PRKCE: variants seen among roughly 807,000 people sequenced by gnomAD.
PRKCE encodes protein kinase C epsilon, also known as protein kinase C epsilon type.
PRKCE carries 16 observed loss-of-function variants against 85.4 expected under a neutral mutation model. That is an observed-to-expected ratio of 0.19 (90% CI 0.13 to 0.28). The LOEUF is 0.28. PRKCE is among the 10% of genes least tolerant of loss of function. The pLI is 1.00. For synonymous variants in PRKCE, 388 were observed against 371.5 expected (o/e 1.04, Z -0.51); for missense variants, 573 against 975.2 (o/e 0.59, Z 5.49).
At chr2:46,154,534 C>T (rs1677010551) in intron 13 of PRKCE, among the ~76,000 whole-genome samples, 1 of 149,366 alleles carries the variant, frequency 6.7e-6, no homozygotes, top group South Asian at 2.2e-4. Flanking sequence ...AGGACCCCTG[C>T]CTTGGAGCCT....
Position 46,184,898 on chromosome 2 carries a change from G to C in PRKCE, c.*17G>C, listed in dbSNP as rs376002289. ...ATGCCCTGAGAGCCCACTGCAGTTG[G>C]ACTTTGCCGATGCTGCAAGAAGGGG... is the stretch of plus-strand genomic sequence containing the variant. On this transcript the variant is annotated 3_prime_UTR_variant, in exon 15 of 15. Transcript: ENST00000306156. This position sits in a 1 kb window ranked among gnomAD's most constrained non-coding sequence, Gnocchi z 5.0. 5 of 1,599,402 alleles carry C rather than the reference G, an allele frequency of 3.1e-6. No homozygotes were observed. The African/African-American group carries it at 5.3e-5, about 17-fold the overall frequency.
At position 46,176,698 on chromosome 2, in the gene PRKCE, A is replaced by T. The variant is rs281472; in HGVS notation, c.2068-8037A>T. ...AGTGACCATGGCTGGTTGCTTCTCA[A>T]TGAATTTCACAACCACACCCCAAAG... On this transcript the variant is annotated intron_variant, in intron 14 of 14. Transcript: ENST00000306156. 2.0e-5 allele frequency among the ~76,000 whole-genome samples: 3 copies of T among 152,224 alleles called. No homozygotes were observed. The South Asian group carries it at 6.2e-4, about 32-fold the overall frequency.
intron 1 of PRKCE, among the ~76,000 whole-genome samples, chr2:45,725,960 G>C: frequency 6.6e-6 from 1 of 152,170 alleles, no homozygotes; most frequent in East Asian, 1.9e-4. Flanking sequence ...GACTTTGTGG[G>C]TTTCAGTACT....
At chr2:45,790,980 G>A (rs1686987021) in intron 1 of PRKCE, among the ~76,000 whole-genome samples, 1 of 152,068 alleles carries the variant, frequency 6.6e-6, no homozygotes, top group Non-Finnish European at 1.5e-5. Flanking sequence ...CAGAGGCCAG[G>A]CCAGCGTCTC....
intron 2 of PRKCE, among the ~76,000 whole-genome samples, chr2:45,931,864 ACT>A (rs1699072409): frequency 6.6e-6 from 1 of 151,854 alleles, no homozygotes; most frequent in Admixed American, 6.6e-5. Context: ...CTGCTGCCAC[ACT>A]CAGCTAATTT....
At chr2:45,861,673 A>T (rs781394463) in intron 2 of PRKCE, among the ~76,000 whole-genome samples, 5 of 152,130 alleles carry the variant, frequency 3.3e-5, no homozygotes, top group Non-Finnish European at 5.9e-5. Context: ...ACTGTTGGCG[A>T]GAATGAAACT....
chr2:45,844,065 CAGTCTCT>C (rs891136584), intron 2 of PRKCE, among the ~76,000 whole-genome samples: 3 of 152,228 alleles, frequency 2.0e-5, no homozygotes, highest in African/African-American at 4.8e-5. Flanking sequence ...ATCCCACACA[CAGTCTCT>C]AGTTTAAGGC....
At chr2:46,134,292 T>C (rs1674745700) in intron 11 of PRKCE, among the ~76,000 whole-genome samples, 1 of 152,158 alleles carries the variant, frequency 6.6e-6, no homozygotes, top group South Asian at 2.1e-4. Context: ...TTGTGGAGGA[T>C]AGACACTCAT....
chr2:46,100,522 G>C (rs1408102345), intron 11 of PRKCE, among the ~76,000 whole-genome samples: 1 of 152,166 alleles, frequency 6.6e-6, no homozygotes, highest in Non-Finnish European at 1.5e-5. Flanking sequence ...AGTCCTGTCA[G>C]GATTGAGAAT....
At chr2:45,880,501 A>G (rs1694801441) in intron 2 of PRKCE, among the ~76,000 whole-genome samples, 1 of 152,184 alleles carries the variant, frequency 6.6e-6, no homozygotes, top group East Asian at 1.9e-4. Flanking sequence ...ATCTTATCTT[A>G]GGTCTCCTTG....
At chr2:45,718,492 G>T (rs7598329) in intron 1 of PRKCE, among the ~76,000 whole-genome samples, 1 of 151,632 alleles carries the variant, frequency 6.6e-6, no homozygotes, top group Admixed American at 6.6e-5. Flanking sequence ...TGACAGGCAC[G>T]CACCACTACA....
chr2:45,662,213 T>G (rs1436945346), intron 1 of PRKCE, among the ~76,000 whole-genome samples: 1 of 152,230 alleles, frequency 6.6e-6, no homozygotes, highest in Non-Finnish European at 1.5e-5. Flanking sequence ...CGTCCTTTCA[T>G]TCACTGAGCA....
At chr2:46,148,211 G>A (rs1250453259) in intron 12 of PRKCE, among the ~76,000 whole-genome samples, 3 of 152,188 alleles carry the variant, frequency 2.0e-5, no homozygotes, top group African/African-American at 7.2e-5. Flanking sequence ...CAGGGCCAAT[G>A]CCTTCTCCCT....
intron 11 of PRKCE, among the ~76,000 whole-genome samples, chr2:46,112,370 A>T (rs1672341781): frequency 6.6e-6 from 1 of 151,684 alleles, no homozygotes; most frequent in South Asian, 2.1e-4. Context: ...TGTTTTGCTT[A>T]TTTGTTTTAT....
chr2:45,781,569 C>A (rs1052372837), intron 1 of PRKCE, among the ~76,000 whole-genome samples: 18 of 152,168 alleles, frequency 1.2e-4, no homozygotes, highest in Admixed American at 4.6e-4. Flanking sequence ...ACCTTTGAAA[C>A]AGGTGCAGGG....
At chr2:46,092,200 A>G (rs1432526890) in intron 11 of PRKCE, among the ~76,000 whole-genome samples, 1 of 152,242 alleles carries the variant, frequency 6.6e-6, no homozygotes, top group Non-Finnish European at 1.5e-5. Flanking sequence ...AGGATATGAA[A>G]GCCAGTGGGA....
At chr2:45,712,288 C>T (rs965193165) in intron 1 of PRKCE, among the ~76,000 whole-genome samples, 17 of 151,882 alleles carry the variant, frequency 1.1e-4, no homozygotes, top group Non-Finnish European at 1.5e-4. Flanking sequence ...GCTGCGATTA[C>T]AGGCATGCAC....
intron 1 of PRKCE, among the ~76,000 whole-genome samples, chr2:45,690,840 G>A (rs1352435336): frequency 6.6e-6 from 1 of 152,244 alleles, no homozygotes; most frequent in African/African-American, 2.4e-5. Context: ...CCATCCAGGT[G>A]CTCCCAGAGT....
chr2:45,700,876 A>C (rs1678580883), intron 1 of PRKCE, among the ~76,000 whole-genome samples: 1 of 151,792 alleles, frequency 6.6e-6, no homozygotes, highest in African/African-American at 2.4e-5. Context: ...GAGGACAGAC[A>C]CAGAGATAGG....
Sources: allele counts gnomAD v4.1 joint callset (sites outside exome capture counted in the v4.1 genomes callset), GRCh38; gene constraint gnomAD v4.1.1; non-coding constraint Gnocchi (gnomAD v3.1); transcripts MANE v1.5; gene names NCBI Gene and HGNC (gene_info 2026-07-23, HGNC 2026-07-21).